The following RORB variants were observed in gnomAD, a reference collection of about 807,000 sequenced individuals.
RORB encodes RAR related orphan receptor B, also known as nuclear receptor ROR-beta.
In RORB, 6 loss-of-function variants were observed where a neutral mutation model predicts 59.1. The ratio of observed to expected loss-of-function variants is 0.10; its 90% CI spans 0.06 to 0.20. The LOEUF is 0.20. Among genes scored for constraint, RORB ranks in the 10% least tolerant of loss-of-function variants. RORB has a pLI of 1.00. For synonymous variants in RORB, 215 were observed against 204.5 expected, an observed-to-expected ratio of 1.05 and a Z score of -0.44; for missense variants, 320 against 560.5, an observed-to-expected ratio of 0.57 and a Z score of 4.33.
intron 1 of RORB, among the ~76,000 whole-genome samples, chr9:74,501,005 G>C (rs1825797125): frequency 6.6e-6 from 1 of 152,116 alleles, no homozygotes; most frequent in East Asian, 1.9e-4. Flanking sequence ...ACCTTTAATT[G>C]GGCCCATCAC....
At chr9:74,614,864 G>C (rs770627490) in intron 1 of RORB, among the ~76,000 whole-genome samples, 1 of 152,144 alleles carries the variant, frequency 6.6e-6, no homozygotes, top group Admixed American at 6.5e-5. Context: ...AGAAATTTCT[G>C]TCTTTGTTTC....
intron 1 of RORB, among the ~76,000 whole-genome samples, chr9:74,591,911 T>G (rs972025979): frequency 1.5e-4 from 23 of 152,240 alleles, no homozygotes; most frequent in African/African-American, 5.1e-4. Context: ...TGCGTGTGCA[T>G]GTGCCTGTGT....
At chr9:74,560,827 T>G (rs1311318379) in intron 1 of RORB, among the ~76,000 whole-genome samples, 1 of 152,154 alleles carries the variant, frequency 6.6e-6, no homozygotes, top group African/African-American at 2.4e-5. Flanking sequence ...AATGGTTCTT[T>G]CCTACAACGA....
chr9:74,606,191 C>A (rs1823146458), intron 1 of RORB, among the ~76,000 whole-genome samples: 1 of 152,188 alleles, frequency 6.6e-6, no homozygotes, highest in African/African-American at 2.4e-5. Context: ...TCAATCCATG[C>A]TAGCTATTAC....
Position 74,691,811 on chromosome 9 carries a change from G to A in RORB, c.*6193G>A, listed in dbSNP as rs904915177. On this transcript the variant is annotated 3_prime_UTR_variant, in exon 10 of 10. Coordinates refer to ENST00000376896, the MANE Select transcript of RORB (RefSeq NM_006914.4). The stretch of plus-strand genomic sequence containing the variant: ...AGTTTAAGCATCTTGACGGGTCATT[G>A]GTGTTAAGTGTATGCTTCTTTTTGT... 1 of 152,160 alleles carries A rather than the reference G, an allele frequency of 6.6e-6. No individual in the cohort carries two copies. The highest frequency in any genetic ancestry group is 1.5e-5 in the Non-Finnish European group (1 of 68,036). 9.4% of individuals were successfully genotyped at this position (152,160 alleles called of 1,614,324 possible).
chr9:74,629,015 A>G (rs1279873648), intron 1 of RORB, among the ~76,000 whole-genome samples: 1 of 151,964 alleles, frequency 6.6e-6, no homozygotes, highest in Non-Finnish European at 1.5e-5. Context: ...CAACAACCCC[A>G]TTTCTGTCCA....
At chr9:74,627,464 T>C (rs760566913) in intron 1 of RORB, among the ~76,000 whole-genome samples, 1 of 152,236 alleles carries the variant, frequency 6.6e-6, no homozygotes, top group Non-Finnish European at 1.5e-5. Context: ...TATAAATATG[T>C]ATAAATATGC....
At chr9:74,590,832 C>T (rs1050088533) in intron 1 of RORB, among the ~76,000 whole-genome samples, 2 of 152,136 alleles carry the variant, frequency 1.3e-5, no homozygotes, top group African/African-American at 4.8e-5. Flanking sequence ...CGTTCTGTCA[C>T]CTTGGCTGGA....
chr9:74,662,068 T>G (rs939109745), intron 5 of RORB, among the ~76,000 whole-genome samples: 2 of 152,186 alleles, frequency 1.3e-5, no homozygotes, highest in Non-Finnish European at 2.9e-5. Flanking sequence ...AGCCTGTGAA[T>G]GAAATCACTA....
chr9:74,658,798 A>T (rs1427142176), intron 4 of RORB, among the ~76,000 whole-genome samples: 1 of 152,174 alleles, frequency 6.6e-6, no homozygotes, highest in Non-Finnish European at 1.5e-5. Context: ...AGTAATTTTT[A>T]CCCTTTTTAT....
intron 1 of RORB, among the ~76,000 whole-genome samples, chr9:74,625,100 C>T (rs1438984521): frequency 6.6e-6 from 1 of 152,058 alleles, no homozygotes; most frequent in African/African-American, 2.4e-5. Flanking sequence ...AGTGAGAAAA[C>T]ATAGAGAGAA....
intron 9 of RORB, among the ~76,000 whole-genome samples, chr9:74,682,478 C>T (rs983791405): frequency 7.9e-5 from 12 of 151,716 alleles, no homozygotes; most frequent in Non-Finnish European, 1.3e-4. Flanking sequence ...GTGACTTGTC[C>T]GAGATCACAT....
At chr9:74,567,689 A>C (rs1563939665) in intron 1 of RORB, among the ~76,000 whole-genome samples, 1 of 152,294 alleles carries the variant, frequency 6.6e-6, no homozygotes, top group South Asian at 2.1e-4. Context: ...GTCTCCCCTC[A>C]TTCTGAGACT....
chr9:74,611,234 G>A (rs1219189466), intron 1 of RORB, among the ~76,000 whole-genome samples: 1 of 152,128 alleles, frequency 6.6e-6, no homozygotes, highest in Non-Finnish European at 1.5e-5. Context: ...CCCTTAACCA[G>A]AGAAAATGAA....
rs374621845 is a variant in RORB at position 74,612,852 on chromosome 9, CA to C, written c.8-17421del. On this transcript the variant is annotated intron_variant, in intron 1 of 9. Transcript: ENST00000376896. ...TCCCCCAGATCGATTTGCTTTCTGA[CA>C]AAAAAAAAGAAGTTCTTAAATGGTT... 7.2e-3 allele frequency among the ~76,000 whole-genome samples: 1,086 copies of C among 150,408 alleles called. 17 individuals are homozygous for C. The highest frequency in any genetic ancestry group is 0.022 in the African/African-American group (913 of 41,036).
At chr9:74,579,125 C>CTT (rs1563942821) in intron 1 of RORB, among the ~76,000 whole-genome samples, 1 of 152,058 alleles carries the variant, frequency 6.6e-6, no homozygotes, top group African/African-American at 2.4e-5. Flanking sequence ...GTTTCCTCAT[C>CTT]TAGACTAATA....
chr9:74,672,682 ATTATT>A (rs1234724927), intron 9 of RORB, among the ~76,000 whole-genome samples: 1 of 152,222 alleles, frequency 6.6e-6, no homozygotes, highest in Non-Finnish European at 1.5e-5. Flanking sequence ...GATATTCAGC[ATTATT>A]TTATATCTTA....
At chr9:74,525,207 G>A (rs1300365917) in intron 1 of RORB, among the ~76,000 whole-genome samples, 1 of 151,874 alleles carries the variant, frequency 6.6e-6, no homozygotes, top group African/African-American at 2.4e-5. Context: ...TGTGTTTTAT[G>A]TGCCATAATC....
intron 1 of RORB, among the ~76,000 whole-genome samples, chr9:74,623,440 TC>T (rs775259435): frequency 1.6e-4 from 3 of 18,816 alleles, no homozygotes; most frequent in Non-Finnish European, 5.8e-4. Context: ...GTTTTCTCTC[TC>T]TTTTTTTTTT....
Sources: allele counts gnomAD v4.1 joint callset (sites outside exome capture counted in the v4.1 genomes callset), GRCh38; gene constraint gnomAD v4.1.1; transcripts MANE v1.5; gene names NCBI Gene and HGNC (gene_info 2026-07-23, HGNC 2026-07-21).